PTGER4: variants seen among roughly 807,000 people sequenced by gnomAD.
PTGER4 encodes the protein prostaglandin E2 receptor EP4 subtype.
In PTGER4, 11 loss-of-function variants were observed where a neutral mutation model predicts 33.2. That is an observed-to-expected ratio of 0.33 (90% CI 0.21 to 0.55). The LOEUF (loss-of-function observed/expected upper bound fraction) is 0.55, where lower values mean the gene tolerates loss of function less well. Ranked by LOEUF, PTGER4 falls within the 20% of genes least tolerant of loss-of-function variation. The pLI is 0.92. For missense variants in PTGER4, 481 were observed against 650.2 expected (o/e 0.74, Z 2.83); for synonymous variants, 275 against 281.5 (o/e 0.98, Z 0.23).
At chr5:40,715,866 T>C in the PTGER4 span, 1 of 308,612 alleles carries the variant, frequency 3.2e-6, no homozygotes, top group Non-Finnish European at 5.9e-6. Flanking sequence ...AGTTTTGTCT[T>C]TAAAATGTAT....
At chr5:40,705,847 T>G in the PTGER4 span, among the ~76,000 whole-genome samples, 46 of 152,214 alleles carry the variant, frequency 3.0e-4, 1 homozygote, top group South Asian at 9.1e-3. Context: ...CAAGGTTGTG[T>G]AGAAAGGGGA....
chr5:40,732,346 A>G, the PTGER4 span, among the ~76,000 whole-genome samples: 2 of 151,898 alleles, frequency 1.3e-5, no homozygotes, highest in Non-Finnish European at 2.9e-5. Context: ...TTCTCACTTT[A>G]TTGATGAGGA....
chr5:40,687,099 G>A (rs1561129456), intron 2 of PTGER4, among the ~76,000 whole-genome samples: 1 of 152,142 alleles, frequency 6.6e-6, no homozygotes, highest in Admixed American at 6.5e-5. Flanking sequence ...AGGCTGGAGT[G>A]CAATGGCGCA....
chr5:40,742,745 T>A, the PTGER4 span, among the ~76,000 whole-genome samples: 1 of 152,216 alleles, frequency 6.6e-6, no homozygotes, highest in Admixed American at 6.5e-5. Context: ...TGCCATATTT[T>A]CATTCGGGAG....
chr5:40,743,044 T>C, the PTGER4 span, among the ~76,000 whole-genome samples: 6 of 152,164 alleles, frequency 3.9e-5, no homozygotes, highest in Admixed American at 6.5e-5. Flanking sequence ...GCTTACATTC[T>C]TACAAAAGAA....
downstream of PTGER4, among the ~76,000 whole-genome samples, chr5:40,697,658 A>G (rs1454307574): frequency 6.8e-6 from 1 of 147,214 alleles, no homozygotes; most frequent in African/African-American, 2.5e-5. Context: ...TGGCAAAATC[A>G]AAGGGAGTGT....
chr5:40,717,827 G>A, the PTGER4 span, among the ~76,000 whole-genome samples: 4 of 152,204 alleles, frequency 2.6e-5, no homozygotes, highest in Non-Finnish European at 5.9e-5. Context: ...ACTCTGGGAG[G>A]TCAAGGCAGG....
the PTGER4 span, among the ~76,000 whole-genome samples, chr5:40,708,613 G>A: frequency 2.6e-5 from 4 of 152,112 alleles, no homozygotes; most frequent in Non-Finnish European, 5.9e-5. Context: ...ACAAGGAGGA[G>A]CTGGTACCAT....
At position 40,681,758 on chromosome 5, in the gene PTGER4, GCGCCGC is replaced by G; in HGVS notation, c.768_773del (p.Arg257_Arg258del). 1 of 1,595,400 alleles carries G rather than the reference GCGCCGC, an allele frequency of 6.3e-7. No individual in the cohort carries two copies. Among genetic ancestry groups the G allele is most frequent in the Non-Finnish European group, 8.5e-7 (1 of 1,175,166 alleles). ...CCTTGCCGCGCCTCAGCGACTTTCG[GCGCCGC>G]CGGAGCTTCCGCCGCATCGCGGGCG... is the stretch of plus-strand genomic sequence containing the variant. On this transcript the variant is annotated inframe_deletion, in exon 2 of 3. Coordinates refer to ENST00000302472, the MANE Select transcript of PTGER4 (RefSeq NM_000958.3). The surrounding 1 kb of genome is among the most constrained non-coding windows in gnomAD (Gnocchi z 9.8).
At chr5:40,708,232 T>G in the PTGER4 span, among the ~76,000 whole-genome samples, 1 of 152,052 alleles carries the variant, frequency 6.6e-6, no homozygotes, top group South Asian at 2.1e-4. Flanking sequence ...AAAAAATCAA[T>G]GAATCCAGGA....
the PTGER4 span, among the ~76,000 whole-genome samples, chr5:40,712,542 C>T: frequency 6.6e-6 from 1 of 152,176 alleles, no homozygotes; most frequent in South Asian, 2.1e-4. Flanking sequence ...TAGAATTAGA[C>T]AGACCTGCTT....
At chr5:40,688,474 T>C (rs971197211) in intron 2 of PTGER4, among the ~76,000 whole-genome samples, 8 of 152,250 alleles carry the variant, frequency 5.3e-5, no homozygotes, top group African/African-American at 1.9e-4. Context: ...GAATAAAATA[T>C]AGACCTCATG....
downstream of PTGER4, among the ~76,000 whole-genome samples, chr5:40,698,610 T>C (rs1328159282): frequency 1.3e-5 from 2 of 152,172 alleles, no homozygotes; most frequent in East Asian, 3.9e-4. Context: ...AAGTTCAGGA[T>C]GTATATGCCA....
At chr5:40,701,132 C>G in the PTGER4 span, among the ~76,000 whole-genome samples, 1 of 152,192 alleles carries the variant, frequency 6.6e-6, no homozygotes, top group African/African-American at 2.4e-5. Flanking sequence ...TCAGAGTGTC[C>G]TCCAAACGAC....
At position 40,681,168 on chromosome 5, in the gene PTGER4, T is replaced by G. The variant is rs1223275611; in HGVS notation, c.175T>G (p.Cys59Gly). Residue 59 changes from cysteine (C) to glycine (G), a missense_variant, in exon 2 of 3, where the codon TGT becomes GGT. By Grantham distance (159) the Cys-to-Gly change is radical. Coordinates refer to ENST00000302472, the MANE Select transcript of PTGER4 (RefSeq NM_000958.3). The surrounding 1 kb of genome is among the most constrained non-coding windows in gnomAD (Gnocchi z 9.8). ...GGAGACGACCTTCTACACGCTGGTA[T>G]GTGGGCTGGCTGTCACCGACCTGTT... ...QKETTFYTLV[C>G]GLAVTDLLGT... 1 of 1,614,202 alleles carries G rather than the reference T, an allele frequency of 6.2e-7. No homozygotes were observed. The highest frequency in any genetic ancestry group is 1.7e-5 in the Admixed American group (1 of 60,034).
Position 40,691,897 on chromosome 5 carries a change from A to G in PTGER4, c.986A>G (p.Tyr329Cys). The change falls in exon 3 of 3, where the codon TAT (tyrosine) becomes TGT (cysteine). Residue 329 changes from tyrosine to cysteine, a missense_variant. By Grantham distance (194) the Tyr-to-Cys change is radical. This residue lies in a region of PTGER4 where 172 missense variants were observed against 199.2 expected (regional missense o/e 0.86). Coordinates refer to ENST00000302472, the MANE Select transcript of PTGER4 (RefSeq NM_000958.3). The surrounding 1 kb of genome is among the most constrained non-coding windows in gnomAD (Gnocchi z 4.2). ...SVNPILDPWI[Y>C]ILLRKTVLSK... The stretch of plus-strand genomic sequence containing the variant: ...AACCCCATCCTAGACCCCTGGATAT[A>G]TATCCTCCTGAGAAAGACAGTGCTC... 1 of 1,614,256 alleles carries G rather than the reference A, an allele frequency of 6.2e-7. No homozygotes were observed. Among genetic ancestry groups the G allele is most frequent in the Non-Finnish European group, 8.5e-7 (1 of 1,180,038 alleles).
downstream of PTGER4, among the ~76,000 whole-genome samples, chr5:40,695,164 A>C (rs1441538792): frequency 1.3e-5 from 2 of 152,194 alleles, no homozygotes; most frequent in Admixed American, 6.5e-5. Flanking sequence ...TAATCTCAAC[A>C]CTTTGGGAGG....
chr5:40,722,931 G>A, the PTGER4 span, among the ~76,000 whole-genome samples: 1 of 152,150 alleles, frequency 6.6e-6, no homozygotes, highest in Non-Finnish European at 1.5e-5. Context: ...ACCCCATCTG[G>A]GAGGTGTACC....
chr5:40,729,930 C>T, the PTGER4 span, among the ~76,000 whole-genome samples: 1 of 151,948 alleles, frequency 6.6e-6, no homozygotes, highest in Non-Finnish European at 1.5e-5. Flanking sequence ...AACTTCTGAC[C>T]TCAAGTGATC....
Sources: gnomAD v4.1 joint callset for allele counts (sites outside exome capture counted in the v4.1 genomes callset) on GRCh38, gnomAD v4.1.1 for gene constraint, gnomAD v4.1.1 regional missense constraint, Gnocchi (gnomAD v3.1) non-coding constraint, MANE v1.5 for transcripts, NCBI Gene and HGNC (gene_info 2026-07-23, HGNC 2026-07-21) for gene names.